IMMP2L: variants seen among roughly 807,000 people sequenced by gnomAD.
IMMP2L encodes the protein mitochondrial inner membrane protease subunit 2.
In IMMP2L, 18 loss-of-function variants were observed where a neutral mutation model predicts 19.3. The ratio of observed to expected loss-of-function variants is 0.93; its 90% CI spans 0.64 to 1.38. The LOEUF (loss-of-function observed/expected upper bound fraction) is 1.38. Among genes scored for constraint, IMMP2L ranks in the 40% most tolerant of loss-of-function variants. The probability of loss-of-function intolerance (pLI) is 0.00; values close to 1 mark genes in which losing one functional copy is unlikely to be tolerated. For synonymous variants in IMMP2L, 76 were observed against 73.0 expected, an observed-to-expected ratio of 1.04 and a Z score of -0.21; for missense variants, 233 against 218.2, an observed-to-expected ratio of 1.07 and a Z score of -0.43.
chr7:110,832,498 A>T (rs569962843), intron 5 of IMMP2L, among the ~76,000 whole-genome samples: 1 of 151,914 alleles, frequency 6.6e-6, no homozygotes, highest in African/African-American at 2.4e-5. Context: ...ATTTTTCACA[A>T]TCTAAAAGGG....
intron 3 of IMMP2L, among the ~76,000 whole-genome samples, chr7:111,285,905 A>C (rs1490165288): frequency 6.6e-6 from 1 of 152,194 alleles, no homozygotes; most frequent in African/African-American, 2.4e-5. Context: ...AATGAGAGAC[A>C]ACAATAACCC....
At chr7:111,266,807 C>T (rs1817888216) in intron 3 of IMMP2L, among the ~76,000 whole-genome samples, 3 of 152,126 alleles carry the variant, frequency 2.0e-5, no homozygotes, top group Admixed American at 2.0e-4. Context: ...GTTAAAATCA[C>T]TTAGCCAGAA....
rs137912092 is a variant in IMMP2L, at chr7:111,058,065, C to G, written c.240-94500G>C. On this transcript the variant is annotated intron_variant, in intron 3 of 5. Transcript: ENST00000405709. Reference sequence around the variant, plus strand: ...GCCTGAGCTAACATTTCCATTTCTGCAAAAGGCAGATTTTGTTCAATTAAA... The same window carrying G: ...GCCTGAGCTAACATTTCCATTTCTGGAAAAGGCAGATTTTGTTCAATTAAA... Among the ~76,000 whole-genome samples the G allele has an allele frequency of 8.4e-3, 1,279 of 152,218 alleles. 7 individuals carry two copies. The highest frequency in any genetic ancestry group is 0.025 in the South Asian group (121 of 4,818).
chr7:111,413,576 C>G (rs1420908297), intron 3 of IMMP2L, among the ~76,000 whole-genome samples: 1 of 151,730 alleles, frequency 6.6e-6, no homozygotes, highest in Non-Finnish European at 1.5e-5. Flanking sequence ...TGTAATTTAC[C>G]ATATTAACAG....
chr7:111,120,990 T>G (rs1481903274), intron 3 of IMMP2L, among the ~76,000 whole-genome samples: 1 of 152,046 alleles, frequency 6.6e-6, no homozygotes, highest in East Asian at 1.9e-4. Context: ...TTTCCTTTTT[T>G]CCCTATAACT....
At chr7:111,183,251 C>G (rs1441420778) in intron 3 of IMMP2L, among the ~76,000 whole-genome samples, 3 of 151,976 alleles carry the variant, frequency 2.0e-5, no homozygotes, top group Non-Finnish European at 4.4e-5. Context: ...TAAAATATCT[C>G]TATGCTGAAA....
At chr7:110,909,394 C>T (rs1302519238) in intron 4 of IMMP2L, among the ~76,000 whole-genome samples, 2 of 152,064 alleles carry the variant, frequency 1.3e-5, no homozygotes, top group African/African-American at 4.8e-5. Flanking sequence ...TGACTGATGG[C>T]CCTAAAATAA....
At chr7:111,372,758 T>C (rs1440453942) in intron 3 of IMMP2L, among the ~76,000 whole-genome samples, 1 of 152,132 alleles carries the variant, frequency 6.6e-6, no homozygotes, top group Non-Finnish European at 1.5e-5. Context: ...ACATAATGTA[T>C]GAGCAAGGAT....
chr7:111,074,929 G>A (rs144583776), intron 3 of IMMP2L, among the ~76,000 whole-genome samples: 2 of 152,138 alleles, frequency 1.3e-5, no homozygotes, highest in South Asian at 2.1e-4. Flanking sequence ...CTTTGGCAAC[G>A]TGCAAGTGAC....
chr7:110,821,581 T>C (rs1307912963), intron 5 of IMMP2L, among the ~76,000 whole-genome samples: 3 of 152,026 alleles, frequency 2.0e-5, no homozygotes, highest in African/African-American at 7.2e-5. Context: ...TGATATGTCA[T>C]AATTACAAAG....
chr7:110,669,651 T>G (rs1791754617), intron 5 of IMMP2L, among the ~76,000 whole-genome samples: 1 of 152,218 alleles, frequency 6.6e-6, no homozygotes, highest in Non-Finnish European at 1.5e-5. Context: ...CTGACTCATT[T>G]AATTCTTAAA....
chr7:110,955,789 T>C (rs1284531328), intron 4 of IMMP2L, among the ~76,000 whole-genome samples: 2 of 151,122 alleles, frequency 1.3e-5, no homozygotes, highest in Non-Finnish European at 2.9e-5. Flanking sequence ...TTTCTTTTCA[T>C]ATCTCCCTCC....
intron 4 of IMMP2L, among the ~76,000 whole-genome samples, chr7:110,950,841 CATATATAT>C (rs34797718): frequency 2.1e-3 from 212 of 100,610 alleles, no homozygotes; most frequent in Middle Eastern, 5.3e-3. Flanking sequence ...CAAAATGTGG[CATATATAT>C]ATATATATAT....
At chr7:111,370,676 C>T (rs531914618) in intron 3 of IMMP2L, among the ~76,000 whole-genome samples, 59 of 151,972 alleles carry the variant, frequency 3.9e-4, no homozygotes, top group African/African-American at 1.4e-3. Flanking sequence ...TCTCTAAATT[C>T]ACACTGAGTC....
At chr7:110,729,130 G>A (rs151089895) in intron 5 of IMMP2L, among the ~76,000 whole-genome samples, 12 of 152,134 alleles carry the variant, frequency 7.9e-5, no homozygotes, top group African/African-American at 2.2e-4. Flanking sequence ...TGATCTGCCC[G>A]CCTCAGCCTC....
intron 4 of IMMP2L, among the ~76,000 whole-genome samples, chr7:110,913,469 G>GA (rs1428700315): frequency 6.6e-6 from 1 of 151,312 alleles, no homozygotes; most frequent in Non-Finnish European, 1.5e-5. Flanking sequence ...AAAGAAAAAA[G>GA]AAAAAAAGAA....
intron 3 of IMMP2L, among the ~76,000 whole-genome samples, chr7:111,293,752 A>G (rs939879551): frequency 1.3e-5 from 2 of 151,952 alleles, no homozygotes; most frequent in African/African-American, 4.8e-5. Flanking sequence ...GTGCTCTGCT[A>G]AACACCTTAT....
intron 3 of IMMP2L, among the ~76,000 whole-genome samples, chr7:111,334,633 A>C (rs1212367462): frequency 6.6e-6 from 1 of 152,142 alleles, no homozygotes; most frequent in African/African-American, 2.4e-5. Context: ...CATTTCATAC[A>C]TGCATGACTA....
At chr7:111,016,388 A>T (rs1825542929) in intron 3 of IMMP2L, among the ~76,000 whole-genome samples, 1 of 141,888 alleles carries the variant, frequency 7.0e-6, no homozygotes, top group African/African-American at 2.6e-5. Flanking sequence ...TATGATATAT[A>T]TTTTTATATA....
Sources: gnomAD v4.1 joint callset for allele counts (sites outside exome capture counted in the v4.1 genomes callset) on GRCh38, gnomAD v4.1.1 for gene constraint, MANE v1.5 for transcripts, NCBI Gene and HGNC (gene_info 2026-07-23, HGNC 2026-07-21) for gene names.